ADGRG2: variants seen among roughly 807,000 people sequenced by gnomAD.
The protein encoded by ADGRG2 is G protein-coupled receptor 64.
A neutral mutation model predicts 74.1 loss-of-function variants in ADGRG2; 26 were observed. The ratio of observed to expected loss-of-function variants is 0.35; its 90% confidence interval spans 0.26 to 0.49. ADGRG2 has a LOEUF of 0.49. ADGRG2 is among the 20% of genes least tolerant of loss of function. The pLI is 0.99. For synonymous variants in ADGRG2, 296 were observed against 295.2 expected, an observed-to-expected ratio of 1.00 and a Z score of -0.03; for missense variants, 619 against 763.1, an observed-to-expected ratio of 0.81 and a Z score of 2.22.
At position 19,037,617 on chromosome X, in the gene ADGRG2, A is replaced by T. The variant is rs184823886; in HGVS notation, c.174T>A (p.Ser58Arg). The T allele has an allele frequency of 8.7e-7, 1 of 1,151,323 alleles. No homozygotes were observed. The highest frequency in any genetic ancestry group is 3.1e-5 in the East Asian group (1 of 32,405). 94.9% of individuals were successfully genotyped at this position (1,151,323 alleles called of 1,213,427 possible). ...SPPPAKLSVV[S>R]FAPSSNGTPE... Reference sequence around the variant, plus strand: ...GAGTACCATTGGAGGAGGGGGCAAAACTGACAACAGATAATTTAGCTGCAG... The same window carrying T: ...GAGTACCATTGGAGGAGGGGGCAAATCTGACAACAGATAATTTAGCTGCAG... Residue 58 changes from serine to arginine, a missense_variant, in exon 5 of 29, where the codon AGT becomes AGA. By Grantham distance (110) the Ser-to-Arg change is moderately radical (BLOSUM62 -1). Transcript: ENST00000379869.
chrX:19,007,195 G>A, intron 20 of ADGRG2, 40 bp downstream of exon 20: 1 of 1,198,834 alleles, frequency 8.3e-7, no homozygotes, highest in Non-Finnish European at 1.1e-6. Context: ...TGTACAAGGT[G>A]TTCCTGGTCA....
At chrX:19,116,506 CAAAAAAAA>C (rs10677696) in intron 1 of ADGRG2, among the ~76,000 whole-genome samples, 11 of 24,017 alleles carry the variant, frequency 4.6e-4, no homozygotes, top group African/African-American at 1.5e-3. Flanking sequence ...GATTCCGTCT[CAAAAAAAA>C]AAAAAAAAAA....
intron 15 of ADGRG2, among the ~76,000 whole-genome samples, chrX:19,014,960 T>C (rs1320177100): frequency 8.9e-6 from 1 of 111,745 alleles, no homozygotes; most frequent in Non-Finnish European, 1.9e-5. Flanking sequence ...CATATGTGTA[T>C]ATAGATTTCT....
Position 19,031,198 on chromosome X carries a change from A to C in ADGRG2, c.305-161T>G, listed in dbSNP as rs766515509. 8.4e-5 allele frequency: 38 copies of C among 454,779 alleles called. No homozygotes were observed. The South Asian group carries it at 1.2e-3, about 14-fold the overall frequency. 37.5% of individuals were successfully genotyped at this position (454,779 alleles called of 1,213,427 possible). A position where few individuals can be genotyped will look rare whatever the true frequency, so the allele number is the denominator to read the frequency against. The stretch of plus-strand genomic sequence containing the variant: ...GAATTCCACAAAGACTAAAGAAATG[A>C]GTTTTCATTTGTTGGTCATTTGTCA... On this transcript the variant is annotated intron_variant, in intron 8 of 28. Transcript: ENST00000379869.
intron 1 of ADGRG2, among the ~76,000 whole-genome samples, chrX:19,114,468 C>G (rs1242434140): frequency 9.0e-6 from 1 of 111,405 alleles, no homozygotes; most frequent in South Asian, 3.8e-4. Flanking sequence ...TATCAAGCTC[C>G]CCCAGTGATT....
chrX:19,099,526 C>T (rs1298593721), intron 1 of ADGRG2, among the ~76,000 whole-genome samples: 6 of 112,076 alleles, frequency 5.4e-5, no homozygotes, highest in Non-Finnish European at 9.4e-5. Context: ...GAAACTGAGG[C>T]AGGGCACAGA....
At chrX:19,048,077 A>G (rs1349634813) in intron 3 of ADGRG2, among the ~76,000 whole-genome samples, 1 of 110,769 alleles carries the variant, frequency 9.0e-6, no homozygotes. Flanking sequence ...CCCAGCCCCC[A>G]ATTCTTGCTT....
intron 2 of ADGRG2, among the ~76,000 whole-genome samples, chrX:19,074,458 T>G (rs2061704292): frequency 9.3e-6 from 1 of 108,039 alleles, no homozygotes; most frequent in Admixed American, 1.0e-4. Flanking sequence ...TAGGCTGGTA[T>G]TGAACTCCTG....
intron 1 of ADGRG2, among the ~76,000 whole-genome samples, chrX:19,111,832 T>A (rs756140753): frequency 1.7e-4 from 19 of 111,124 alleles, no homozygotes; most frequent in Non-Finnish European, 3.2e-4. Context: ...AATTAAGTCC[T>A]TTACAATTTG....
At chrX:19,075,617 C>CAAA (rs61690480) in intron 2 of ADGRG2, among the ~76,000 whole-genome samples, 81 of 39,260 alleles carry the variant, frequency 2.1e-3, no homozygotes, top group African/African-American at 2.4e-3. Flanking sequence ...GACTTCGCCT[C>CAAA]AAAAAAAAAA....
At chrX:19,094,235 A>G (rs1219194144) in intron 1 of ADGRG2, among the ~76,000 whole-genome samples, 2 of 111,121 alleles carry the variant, frequency 1.8e-5, no homozygotes, top group Non-Finnish European at 3.8e-5. Context: ...GAGGTAGGTG[A>G]GGGGTGAGAA....
At chrX:19,101,101 TTGTGTG>T (rs10579733) in intron 1 of ADGRG2, among the ~76,000 whole-genome samples, 1,074 of 89,798 alleles carry the variant, frequency 0.012, 16 homozygotes, top group African/African-American at 0.036. Context: ...AATCATGAGA[TTGTGTG>T]TGTGTGTGTG....
At chrX:19,119,025 CA>C (rs1381989293) in intron 1 of ADGRG2, among the ~76,000 whole-genome samples, 1 of 111,739 alleles carries the variant, frequency 8.9e-6, no homozygotes, top group Non-Finnish European at 1.9e-5. Context: ...CAGTGGTTGC[CA>C]GGGGCTGAGA....
upstream of ADGRG2, among the ~76,000 whole-genome samples, chrX:19,122,956 T>G (rs2062634507): frequency 8.9e-6 from 1 of 112,273 alleles, no homozygotes; most frequent in African/African-American, 3.2e-5. Flanking sequence ...CACGCTGTAA[T>G]GGGTGGGAGC....
At position 19,033,669 on chromosome X, in the gene ADGRG2, C is replaced by T. The variant is rs1319097183; in HGVS notation, c.263-15G>A. 1.4e-6 allele frequency: 1 copy of T among 700,330 alleles called. No individual in the cohort carries two copies. The highest frequency in any genetic ancestry group is 3.3e-5 in the East Asian group (1 of 30,308). 57.7% of individuals were successfully genotyped at this position (700,330 alleles called of 1,213,427 possible). A position where few individuals can be genotyped will look rare whatever the true frequency, so the allele number is the denominator to read the frequency against. ...TTTAGTTTTTTCTGCAAAGAAACAACTTAAATATTAGAGAATAATCATTGC... is the reference window on the plus strand; with the variant it reads ...TTTAGTTTTTTCTGCAAAGAAACAATTTAAATATTAGAGAATAATCATTGC... On this transcript the variant is annotated splice_polypyrimidine_tract_variant and intron_variant, in intron 7 of 28. Transcript: ENST00000379869.
chrX:19,102,398 C>T (rs980071397), intron 1 of ADGRG2, among the ~76,000 whole-genome samples: 2 of 109,935 alleles, frequency 1.8e-5, no homozygotes, highest in Non-Finnish European at 3.8e-5. Flanking sequence ...AAATCAATTT[C>T]CTCTTTAGTA....
chrX:19,084,869 T>C (rs2061914137), intron 1 of ADGRG2, among the ~76,000 whole-genome samples: 1 of 112,431 alleles, frequency 8.9e-6, no homozygotes, highest in African/African-American at 3.2e-5. Flanking sequence ...CATTTGTTTT[T>C]CCCAGTGGAT....
At chrX:19,112,988 C>CAAA (rs756477082) in intron 1 of ADGRG2, among the ~76,000 whole-genome samples, 12 of 71,411 alleles carry the variant, frequency 1.7e-4, no homozygotes, top group African/African-American at 6.0e-4. Context: ...AAAAAAAAAC[C>CAAA]AAAAAAAAAA....
chrX:19,057,326 T>C (rs1236272604), intron 3 of ADGRG2, among the ~76,000 whole-genome samples: 1 of 111,604 alleles, frequency 9.0e-6, no homozygotes, highest in Non-Finnish European at 1.9e-5. Context: ...AGGATCATCA[T>C]AGGAAGGCAC....
Sources: allele counts gnomAD v4.1 joint callset (sites outside exome capture counted in the v4.1 genomes callset), GRCh38; gene constraint gnomAD v4.1.1; transcripts MANE v1.5; gene names NCBI Gene and HGNC (gene_info 2026-07-23, HGNC 2026-07-21).